The following RALGPS1 variants were observed in gnomAD, a reference collection of about 807,000 sequenced individuals.
The protein encoded by RALGPS1 is Ral GEF with PH domain and SH3 binding motif 1, also known as ras-specific guanine nucleotide-releasing factor RalGPS1.
Under a neutral mutation model 78.8 loss-of-function variants are expected in RALGPS1, and 19 were observed. The ratio of observed to expected loss-of-function variants is 0.24; its 90% CI spans 0.17 to 0.35. The LOEUF (loss-of-function observed/expected upper bound fraction) is 0.35, where lower values mean the gene tolerates loss of function less well. RALGPS1 is among the 10% of genes least tolerant of loss of function. The probability of loss-of-function intolerance (pLI) is 1.00; values close to 1 mark genes in which losing one functional copy is unlikely to be tolerated. For missense variants in RALGPS1, 454 were observed against 688.3 expected, an observed-to-expected ratio of 0.66 and a Z score of 3.81; for synonymous variants, 228 against 256.3, an observed-to-expected ratio of 0.89 and a Z score of 1.06.
chr9:127,047,969 G>C (rs4292797), intron 5 of RALGPS1, among the ~76,000 whole-genome samples: 69,656 of 151,910 alleles, frequency 0.46, 16,570 homozygotes, highest in Non-Finnish European at 0.51. Context: ...TTCTTCCCAT[G>C]TCCTTCAGCA....
chr9:126,954,778 G>A (rs1295430947), intron 1 of RALGPS1, among the ~76,000 whole-genome samples: 1 of 152,154 alleles, frequency 6.6e-6, no homozygotes, highest in Non-Finnish European at 1.5e-5. Flanking sequence ...CTCCAGCCTG[G>A]GACCTGGGTG....
At chr9:126,969,407 C>T (rs1487504805) in intron 3 of RALGPS1, among the ~76,000 whole-genome samples, 1 of 152,134 alleles carries the variant, frequency 6.6e-6, no homozygotes, top group Non-Finnish European at 1.5e-5. Context: ...GTACCTGGCT[C>T]CAATGTGTAT....
chr9:127,154,272 G>A (rs998639844), intron 8 of RALGPS1, among the ~76,000 whole-genome samples: 1 of 152,260 alleles, frequency 6.6e-6, no homozygotes, highest in African/African-American at 2.4e-5. Context: ...ATCTGGCCAG[G>A]CCAAGTGCCT....
intron 8 of RALGPS1, among the ~76,000 whole-genome samples, chr9:127,133,406 T>G (rs939831127): frequency 1.3e-5 from 2 of 152,246 alleles, no homozygotes; most frequent in African/African-American, 4.8e-5. Context: ...GTTGACAGAC[T>G]CAGCTGGTTT....
At chr9:127,192,055 T>C (rs10819272) in intron 11 of RALGPS1, among the ~76,000 whole-genome samples, 51,073 of 152,134 alleles carry the variant, frequency 0.34, 9,859 homozygotes, top group East Asian at 0.51. Context: ...TTGAACACCA[T>C]GTCATGGATG....
chr9:127,189,834 C>G (rs1338855395), intron 11 of RALGPS1, among the ~76,000 whole-genome samples: 1 of 152,206 alleles, frequency 6.6e-6, no homozygotes, highest in African/African-American at 2.4e-5. Context: ...AGCCTACTGA[C>G]CTAGCCCCAT....
At chr9:126,937,321 G>T (rs1040765923) in intron 1 of RALGPS1, among the ~76,000 whole-genome samples, 2 of 152,198 alleles carry the variant, frequency 1.3e-5, no homozygotes, top group African/African-American at 4.8e-5. Flanking sequence ...CTAAGGCTTT[G>T]GGAGGAAGGA....
intron 4 of RALGPS1, among the ~76,000 whole-genome samples, chr9:127,005,572 T>C (rs1018603719): frequency 6.6e-6 from 1 of 150,556 alleles, no homozygotes; most frequent in Non-Finnish European, 1.5e-5. Flanking sequence ...TCTCAGGAGG[T>C]TTTTTTTTAT....
At chr9:127,180,203 T>G (rs1274767118) in intron 11 of RALGPS1, among the ~76,000 whole-genome samples, 2 of 152,198 alleles carry the variant, frequency 1.3e-5, no homozygotes, top group East Asian at 1.9e-4. Context: ...AATGTTTGTG[T>G]GTACTTTGGA....
chr9:126,943,948 C>T (rs1171224176), intron 1 of RALGPS1, among the ~76,000 whole-genome samples: 1 of 152,202 alleles, frequency 6.6e-6, no homozygotes, highest in Non-Finnish European at 1.5e-5. Flanking sequence ...GGTACCTCAT[C>T]GCAGAAGGAA....
At chr9:127,115,806 A>G (rs2055350117) in intron 8 of RALGPS1, among the ~76,000 whole-genome samples, 1 of 152,258 alleles carries the variant, frequency 6.6e-6, no homozygotes, top group Admixed American at 6.5e-5. Flanking sequence ...GTAAGACCCC[A>G]AAATGGGCAT....
At chr9:127,102,257 C>T (rs1050046745) in intron 8 of RALGPS1, among the ~76,000 whole-genome samples, 1 of 151,552 alleles carries the variant, frequency 6.6e-6, no homozygotes, top group South Asian at 2.1e-4. Flanking sequence ...GTTTATTTGG[C>T]TCACAGTTAT....
At chr9:127,144,851 T>TGG (rs2058006686) in intron 8 of RALGPS1, among the ~76,000 whole-genome samples, 1 of 152,122 alleles carries the variant, frequency 6.6e-6, no homozygotes, top group African/African-American at 2.4e-5. Flanking sequence ...AAGCGGGGAA[T>TGG]GGGGAGTGAT....
chr9:127,096,932 A>G (rs572409363), intron 8 of RALGPS1, among the ~76,000 whole-genome samples: 125 of 152,308 alleles, frequency 8.2e-4, no homozygotes, highest in African/African-American at 2.9e-3. Flanking sequence ...TGTGGTCATT[A>G]GAGGAGCCCC....
At chr9:127,022,617 G>T (rs1358676738) in intron 4 of RALGPS1, among the ~76,000 whole-genome samples, 1 of 151,814 alleles carries the variant, frequency 6.6e-6, no homozygotes, top group Admixed American at 6.6e-5. Flanking sequence ...TCCTCCCCAG[G>T]CTCCTTCTGC....
At chr9:127,140,321 G>T (rs543932088) in intron 8 of RALGPS1, among the ~76,000 whole-genome samples, 1 of 152,198 alleles carries the variant, frequency 6.6e-6, no homozygotes, top group African/African-American at 2.4e-5. Flanking sequence ...CCCCAGAGCC[G>T]TCCGGGCACT....
chr9:126,967,931 C>G (rs892806146), intron 3 of RALGPS1, among the ~76,000 whole-genome samples: 12 of 152,152 alleles, frequency 7.9e-5, no homozygotes, highest in African/African-American at 2.9e-4. Context: ...TGCATTTTTT[C>G]CCAGTGCCCA....
chr9:127,156,519 T>A (rs1230011140), intron 8 of RALGPS1, among the ~76,000 whole-genome samples: 1 of 152,204 alleles, frequency 6.6e-6, no homozygotes, highest in Admixed American at 6.5e-5. Context: ...TCCTTGATTA[T>A]TACTGCATCT....
At chr9:126,971,721 CAGAG>C (rs917351219) in intron 3 of RALGPS1, among the ~76,000 whole-genome samples, 8 of 152,050 alleles carry the variant, frequency 5.3e-5, no homozygotes, top group Admixed American at 3.3e-4. Context: ...ACTATAAAGA[CAGAG>C]AGCAGTAAAC....
Sources: gnomAD v4.1 joint callset for allele counts (sites outside exome capture counted in the v4.1 genomes callset) on GRCh38, gnomAD v4.1.1 for gene constraint, MANE v1.5 for transcripts, NCBI Gene and HGNC (gene_info 2026-07-23, HGNC 2026-07-21) for gene names.